Variants in EMC7 observed in about 807,000 individuals in gnomAD.
EMC7 encodes the protein ER membrane protein complex subunit 7.
Under a neutral mutation model 24.4 loss-of-function variants are expected in EMC7, and 4 were observed. The observed-to-expected ratio is 0.16, with a 90% CI of 0.08 to 0.38. EMC7 has a LOEUF of 0.38. Among genes scored for constraint, EMC7 ranks in the 10% least tolerant of loss-of-function variants. The pLI, the probability that EMC7 is intolerant of heterozygous loss-of-function variation, is 1.00. For synonymous variants in EMC7, 106 were observed against 112.0 expected, an observed-to-expected ratio of 0.95 and a Z score of 0.34; for missense variants, 221 against 300.6, an observed-to-expected ratio of 0.74 and a Z score of 1.96.
chr15:34,087,884 G>A (rs1181804752), intron 4 of EMC7, among the ~76,000 whole-genome samples, 169 bp downstream of exon 4: 1 of 152,090 alleles, frequency 6.6e-6, no homozygotes, highest in Non-Finnish European at 1.5e-5. Context: ...GGCCAGGCAT[G>A]GTGCCTCGGA....
At chr15:34,101,454 TC>T in intron 1 of EMC7, 149 bp downstream of exon 1, 1 of 790,802 alleles carries the variant, frequency 1.3e-6, no homozygotes, top group Non-Finnish European at 2.0e-6. Flanking sequence ...TCCGACTGCC[TC>T]CCAAGGTCTC....
intron 1 of EMC7, among the ~76,000 whole-genome samples, chr15:34,100,239 G>T (rs1901153306): frequency 6.6e-6 from 1 of 152,198 alleles, no homozygotes; most frequent in African/African-American, 2.4e-5. Context: ...TACTGAGGAG[G>T]CTGAGACAGG....
At chr15:34,090,261 C>T in intron 3 of EMC7, 56 bp downstream of exon 3, 2 of 1,533,302 alleles carry the variant, frequency 1.3e-6, no homozygotes, top group Non-Finnish European at 1.8e-6. Flanking sequence ...GAAGTTTCCA[C>T]TGCCTAGAAG....
intron 2 of EMC7, among the ~76,000 whole-genome samples, chr15:34,092,635 C>T (rs1247410029): frequency 2.0e-5 from 3 of 151,872 alleles, no homozygotes; most frequent in East Asian, 1.9e-4. Flanking sequence ...TGTGAGCCAC[C>T]GTGCCCAGCC....
chr15:34,094,421 G>A (rs1051582386), intron 2 of EMC7, among the ~76,000 whole-genome samples: 1 of 152,104 alleles, frequency 6.6e-6, no homozygotes, highest in Non-Finnish European at 1.5e-5. Flanking sequence ...TGTAGTCCCA[G>A]CTACTTAGGA....
Position 34,091,216 on chromosome 15 carries a change from A to G in EMC7, c.357-761T>C, listed in dbSNP as rs547233357. Among the ~76,000 whole-genome samples, 120 of 152,278 alleles carry G rather than the reference A, an allele frequency of 7.9e-4. 2 individuals are homozygous for G. The South Asian group carries it at 0.015, about 19-fold the overall frequency. On this transcript the variant is annotated intron_variant, in intron 2 of 4. Coordinates refer to ENST00000256545, the MANE Select transcript of EMC7 (RefSeq NM_020154.3). The stretch of plus-strand genomic sequence containing the variant: ...TCAAATATCTATAGCCTATTTTGGT[A>G]TATCATTTCTATGGCAGTCTTTTAT...
In EMC7 at chr15:34,096,026, A is replaced by G; in HGVS notation, c.237-12T>C. The G allele has an allele frequency of 6.5e-7, 1 of 1,544,316 alleles. No individual in the cohort carries two copies. The highest frequency in any genetic ancestry group is 1.2e-5 in the South Asian group (1 of 81,314). On this transcript the variant is annotated splice_polypyrimidine_tract_variant and intron_variant, in intron 1 of 4. Transcript: ENST00000256545. ...AACTCCCATCTGTCCTGGAAAAATG[A>G]AAATCATGTTTAGCTACTACTGATC... is the stretch of plus-strand genomic sequence containing the variant.
intron 1 of EMC7, among the ~76,000 whole-genome samples, chr15:34,097,852 C>G (rs1901102537): frequency 1.3e-5 from 2 of 151,872 alleles, no homozygotes; most frequent in South Asian, 4.2e-4. Context: ...GCGTGTAGTC[C>G]CAGCTACTCA....
intron 4 of EMC7, among the ~76,000 whole-genome samples, chr15:34,086,907 T>C (rs907939773): frequency 6.6e-6 from 1 of 152,258 alleles, no homozygotes; most frequent in Non-Finnish European, 1.5e-5. Flanking sequence ...TCTTTTCCTA[T>C]GAATCTTTTT....
At chr15:34,088,987 G>T (rs1246787800) in intron 3 of EMC7, among the ~76,000 whole-genome samples, 4 of 152,050 alleles carry the variant, frequency 2.6e-5, no homozygotes, top group Non-Finnish European at 5.9e-5. Context: ...CTCCCAAGTA[G>T]CTGGGATTAC....
chr15:34,093,232 G>A (rs2140869860), intron 2 of EMC7, among the ~76,000 whole-genome samples: 1 of 152,256 alleles, frequency 6.6e-6, no homozygotes, highest in Admixed American at 6.5e-5. Context: ...GATGTCAAGA[G>A]ATCGAAACCA....
rs745799317 is a variant in EMC7 at position 34,101,831 on chromosome 15, G to A, written c.9C>T (p.Ala3=). ...GGACGGGAAAGAAGCCCCACAGAGC[G>A]GCCGCCATGACAGCAGCTCTGCACT... is the stretch of plus-strand genomic sequence containing the variant. MA[A]ALWGFFPVLL... Residue 3 remains alanine, a synonymous_variant, in exon 1 of 5, where the codon GCC becomes GCT. Transcript: ENST00000256545. 138 of 1,603,498 alleles carry A rather than the reference G, an allele frequency of 8.6e-5. No individual in the cohort carries two copies. Among genetic ancestry groups the A allele is most frequent in the Non-Finnish European group, 1.2e-4 (136 of 1,177,430 alleles).
rs1048796154 is a variant in EMC7 at position 34,101,758 on chromosome 15, C to T, written c.82G>A (p.Gly28Arg). The T allele has an allele frequency of 1.9e-6, 3 of 1,613,666 alleles. No homozygotes were observed. Among genetic ancestry groups the T allele is most frequent in the African/African-American group, 2.7e-5 (2 of 74,884 alleles). ...SGDVQSSEVP[G>R]AAAEGSGGSG... The stretch of plus-strand genomic sequence containing the variant: ...CCTCCCGATCCCTCAGCAGCAGCCC[C>T]GGGCACCTCCGAGCTCTGGACATCC... The change falls in exon 1 of 5, where the codon GGG (glycine) becomes AGG (arginine). Residue 28 changes from glycine to arginine, a missense_variant. Coordinates refer to ENST00000256545, the MANE Select transcript of EMC7 (RefSeq NM_020154.3).
chr15:34,092,062 T>C (rs550877828), intron 2 of EMC7, among the ~76,000 whole-genome samples: 1 of 152,200 alleles, frequency 6.6e-6, no homozygotes, highest in South Asian at 2.1e-4. Context: ...GGTCAGGAGT[T>C]TGAGACCAGC....
chr15:34,093,843 T>TTTTTTTTTTG (rs1901021540), intron 2 of EMC7, among the ~76,000 whole-genome samples: 1 of 62,242 alleles, frequency 1.6e-5, no homozygotes, highest in African/African-American at 6.0e-5. Flanking sequence ...TTTTTTTTTT[T>TTTTTTTTTTG]GAGACAGGAT....
chr15:34,089,005 C>T (rs139316176), intron 3 of EMC7, among the ~76,000 whole-genome samples: 2,646 of 151,998 alleles, frequency 0.017, 70 homozygotes, highest in African/African-American at 0.061. Context: ...TACAGGTCCC[C>T]GCCACCACAC....
Position 34,084,231 on chromosome 15 carries a change from G to A in EMC7, c.*103C>T, listed in dbSNP as rs1351938527. On this transcript the variant is annotated 3_prime_UTR_variant, in exon 5 of 5. Transcript: ENST00000256545. ...TACACAGTTGTAAGAGATCAACGTC[G>A]GGATGACTCAAGTTTATAGTAGTTG... 38 of 1,394,358 alleles carry A rather than the reference G, an allele frequency of 2.7e-5. No homozygotes were observed. Among genetic ancestry groups the A allele is most frequent in the South Asian group, 2.3e-4 (16 of 70,864 alleles). 86.4% of individuals were successfully genotyped at this position (1,394,358 alleles called of 1,614,324 possible).
At chr15:34,095,166 G>A (rs867110425) in intron 2 of EMC7, among the ~76,000 whole-genome samples, 16 of 152,294 alleles carry the variant, frequency 1.1e-4, no homozygotes, top group Admixed American at 3.3e-4. Flanking sequence ...CTGCAACATA[G>A]TCATATTTGA....
At chr15:34,092,934 G>C (rs1347470303) in intron 2 of EMC7, among the ~76,000 whole-genome samples, 1 of 152,144 alleles carries the variant, frequency 6.6e-6, no homozygotes. Flanking sequence ...ACATAGCCTA[G>C]CTTAGCCTAC....
Sources: allele counts gnomAD v4.1 joint callset (sites outside exome capture counted in the v4.1 genomes callset), GRCh38; gene constraint gnomAD v4.1.1; transcripts MANE v1.5; gene names NCBI Gene and HGNC (gene_info 2026-07-23, HGNC 2026-07-21).